ZSCAN25: variants seen among roughly 807,000 people sequenced by gnomAD.
ZSCAN25 encodes zinc finger and SCAN domain-containing protein 25.
ZSCAN25 carries 27 observed loss-of-function variants against 38.7 expected under a neutral mutation model. The ratio of observed to expected loss-of-function variants is 0.70; its 90% CI spans 0.51 to 0.96. The LOEUF (loss-of-function observed/expected upper bound fraction) is 0.96, where lower values mean the gene tolerates loss of function less well. Among genes scored for constraint, ZSCAN25 ranks in the 40% least tolerant of loss-of-function variants. ZSCAN25 has a pLI of 0.00. For synonymous variants in ZSCAN25, 273 were observed against 277.7 expected (o/e 0.98, Z 0.17); for missense variants, 637 against 705.9 (o/e 0.90, Z 1.11).
chr7:99,622,313 C>T (rs746301633), intron 5 of ZSCAN25: 16 of 557,970 alleles, frequency 2.9e-5, no homozygotes, highest in Non-Finnish European at 4.5e-5. Context: ...CGGACAGGGC[C>T]GGGACAATCT....
the ZSCAN25 span, among the ~76,000 whole-genome samples, chr7:99,680,388 T>C: frequency 6.6e-6 from 1 of 152,104 alleles, no homozygotes; most frequent in Admixed American, 6.6e-5. Flanking sequence ...ACAGACCCCT[T>C]CTGCTAAAAT....
chr7:99,623,992 G>T (rs1476454676), intron 6 of ZSCAN25, 65 bp from the exon 7 acceptor site: 1 of 1,608,962 alleles, frequency 6.2e-7, no homozygotes, highest in Non-Finnish European at 8.5e-7. Context: ...TTGGATTACA[G>T]ACATGAGCCA....
chr7:99,642,704 G>C, the ZSCAN25 span, among the ~76,000 whole-genome samples: 1 of 152,140 alleles, frequency 6.6e-6, no homozygotes, highest in East Asian at 1.9e-4. Context: ...TTTCTTTGTA[G>C]CCCTTACCAT....
chr7:99,701,774 C>G, the ZSCAN25 span, among the ~76,000 whole-genome samples: 1 of 152,098 alleles, frequency 6.6e-6, no homozygotes, highest in African/African-American at 2.4e-5. Context: ...ATATTTTGCC[C>G]ATTTTTTGAT....
At chr7:99,650,183 C>G in the ZSCAN25 span, 3 of 1,614,044 alleles carry the variant, frequency 1.9e-6, no homozygotes, top group Non-Finnish European at 1.7e-6. Flanking sequence ...GGTCCAGTTC[C>G]AAAGGGTGTG....
At chr7:99,678,217 G>A in the ZSCAN25 span, among the ~76,000 whole-genome samples, 1 of 152,206 alleles carries the variant, frequency 6.6e-6, no homozygotes, top group Non-Finnish European at 1.5e-5. Flanking sequence ...GACACAGATG[G>A]TGCCCCTGTG....
the ZSCAN25 span, among the ~76,000 whole-genome samples, chr7:99,644,622 C>T: frequency 6.6e-6 from 1 of 152,144 alleles, no homozygotes; most frequent in Non-Finnish European, 1.5e-5. Context: ...TAGGAAGCTG[C>T]ATATAATTCC....
At chr7:99,666,595 A>C in the ZSCAN25 span, 66 of 1,613,150 alleles carry the variant, frequency 4.1e-5, no homozygotes, top group African/African-American at 4.4e-4. Flanking sequence ...CTGTGCTCCT[A>C]CTTACTCTTT....
the ZSCAN25 span, among the ~76,000 whole-genome samples, chr7:99,687,656 A>G: frequency 6.6e-6 from 1 of 152,236 alleles, no homozygotes; most frequent in Non-Finnish European, 1.5e-5. Flanking sequence ...ATTCAGATTC[A>G]GGAAATACAG....
At chr7:99,661,814 A>T in the ZSCAN25 span, among the ~76,000 whole-genome samples, 5 of 152,248 alleles carry the variant, frequency 3.3e-5, no homozygotes, top group Non-Finnish European at 7.3e-5. Flanking sequence ...ATTGAACTGT[A>T]ATTTTAAAGT....
At chr7:99,737,596 A>G in the ZSCAN25 span, among the ~76,000 whole-genome samples, 1 of 152,172 alleles carries the variant, frequency 6.6e-6, no homozygotes, top group Non-Finnish European at 1.5e-5. Flanking sequence ...TCACCTAAAC[A>G]AAGAGCCTTT....
At chr7:99,634,595 C>A (rs967301188), downstream of ZSCAN25, among the ~76,000 whole-genome samples, 2 of 152,212 alleles carry the variant, frequency 1.3e-5, no homozygotes, top group Admixed American at 1.3e-4. Flanking sequence ...TGAGACCATC[C>A]TGGTTAACAC....
the ZSCAN25 span, among the ~76,000 whole-genome samples, chr7:99,685,603 A>T: frequency 6.6e-6 from 1 of 152,238 alleles, no homozygotes; most frequent in African/African-American, 2.4e-5. Context: ...GTTATCAGGC[A>T]CACGAGCATG....
chr7:99,622,375 G>A (rs1359139107), intron 5 of ZSCAN25, 174 bp from the exon 6 acceptor site: 2 of 675,584 alleles, frequency 3.0e-6, no homozygotes, highest in Non-Finnish European at 5.3e-6. Context: ...TAGGGCAAGG[G>A]ACACCCAGGC....
At chr7:99,709,228 C>A in the ZSCAN25 span, 15 of 1,613,900 alleles carry the variant, frequency 9.3e-6, no homozygotes, top group South Asian at 1.4e-4. Flanking sequence ...TCAAGATACT[C>A]CAACTGTAGC....
the ZSCAN25 span, among the ~76,000 whole-genome samples, chr7:99,643,833 G>A: frequency 6.6e-6 from 1 of 151,554 alleles, no homozygotes; most frequent in African/African-American, 2.4e-5. Context: ...TGTGCAGGAG[G>A]GAGATTGGAG....
the ZSCAN25 span, among the ~76,000 whole-genome samples, chr7:99,702,001 C>T: frequency 6.6e-6 from 1 of 151,660 alleles, no homozygotes; most frequent in Non-Finnish European, 1.5e-5. Flanking sequence ...TGGGGTATTA[C>T]TTCAGCATTT....
At chr7:99,695,619 G>T in the ZSCAN25 span, 1 of 768,608 alleles carries the variant, frequency 1.3e-6, no homozygotes, top group Non-Finnish European at 2.1e-6. Context: ...TCTGGATGAT[G>T]CCTATACACT....
At chr7:99,727,042 G>A in the ZSCAN25 span, among the ~76,000 whole-genome samples, 2 of 152,134 alleles carry the variant, frequency 1.3e-5, no homozygotes, top group African/African-American at 4.8e-5. Flanking sequence ...CTCACAAAGG[G>A]AAACCTAGCT....
Sources: allele counts gnomAD v4.1 joint callset (sites outside exome capture counted in the v4.1 genomes callset), GRCh38; gene constraint gnomAD v4.1.1; transcripts MANE v1.5; gene names NCBI Gene and HGNC (gene_info 2026-07-23, HGNC 2026-07-21).